RUNDC3B: variants seen among roughly 807,000 people sequenced by gnomAD.
The protein encoded by RUNDC3B is RUN domain containing 3B.
RUNDC3B carries 33 observed loss-of-function variants against 58.4 expected under a neutral mutation model. The observed-to-expected ratio is 0.56, with a 90% CI of 0.43 to 0.75. The LOEUF is 0.75. Among genes scored for constraint, RUNDC3B ranks in the 30% least tolerant of loss-of-function variants. RUNDC3B has a pLI of 0.00. For synonymous variants in RUNDC3B, 193 were observed against 195.2 expected, an observed-to-expected ratio of 0.99 and a Z score of 0.10; for missense variants, 501 against 535.7, an observed-to-expected ratio of 0.94 and a Z score of 0.64.
intron 3 of RUNDC3B, among the ~76,000 whole-genome samples, chr7:87,709,996 A>T (rs2130738113): frequency 6.6e-6 from 1 of 152,172 alleles, no homozygotes; most frequent in East Asian, 1.9e-4. Context: ...TTTCTAGTTT[A>T]AATATTTGGT....
chr7:87,762,370 C>T (rs894088029), intron 6 of RUNDC3B, among the ~76,000 whole-genome samples: 2 of 151,098 alleles, frequency 1.3e-5, no homozygotes, highest in African/African-American at 2.4e-5. Context: ...ATTTTAAATG[C>T]TTTGTTTACA....
At chr7:87,671,768 G>A (rs1022095422) in intron 2 of RUNDC3B, among the ~76,000 whole-genome samples, 6 of 152,112 alleles carry the variant, frequency 3.9e-5, no homozygotes, top group Non-Finnish European at 5.9e-5. Flanking sequence ...TGTGCTGGAG[G>A]TCCACTTCAG....
chr7:87,802,822 T>C (rs983533933), intron 8 of RUNDC3B, among the ~76,000 whole-genome samples: 1 of 152,112 alleles, frequency 6.6e-6, no homozygotes. Context: ...CTGGGCAACA[T>C]AGGGAGACCC....
intron 3 of RUNDC3B, among the ~76,000 whole-genome samples, chr7:87,708,831 T>C (rs771825456): frequency 2.0e-5 from 3 of 152,170 alleles, no homozygotes; most frequent in Admixed American, 6.5e-5. Flanking sequence ...ACTCACACAA[T>C]TATTGGGAGG....
chr7:87,759,153 C>G (rs1224730370), intron 6 of RUNDC3B, among the ~76,000 whole-genome samples: 1 of 152,008 alleles, frequency 6.6e-6, no homozygotes, highest in African/African-American at 2.4e-5. Context: ...TATTCAGCCA[C>G]AAAAAGAATG....
intron 6 of RUNDC3B, among the ~76,000 whole-genome samples, chr7:87,761,264 A>G (rs1443578717): frequency 6.6e-6 from 1 of 151,984 alleles, no homozygotes; most frequent in Non-Finnish European, 1.5e-5. Context: ...TGCAAATTCA[A>G]ACCACAGTAA....
intron 2 of RUNDC3B, among the ~76,000 whole-genome samples, chr7:87,652,815 AT>A (rs1254190022): frequency 6.6e-6 from 1 of 151,878 alleles, no homozygotes; most frequent in Non-Finnish European, 1.5e-5. Flanking sequence ...TTCACTTATG[AT>A]TTAGTTACAT....
intron 2 of RUNDC3B, among the ~76,000 whole-genome samples, chr7:87,695,753 A>G: frequency 6.6e-6 from 1 of 152,096 alleles, no homozygotes; most frequent in East Asian, 1.9e-4. Context: ...GCTACTGCTT[A>G]GTAGAGAACC....
At chr7:87,709,467 T>C (rs1387613817) in intron 3 of RUNDC3B, 1 of 985,254 alleles carries the variant, frequency 1.0e-6, no homozygotes, top group Admixed American at 6.2e-5. Context: ...GAAGGAACAA[T>C]GGACTGAGCA....
chr7:87,672,783 A>G (rs1825960736), intron 2 of RUNDC3B, among the ~76,000 whole-genome samples: 1 of 152,076 alleles, frequency 6.6e-6, no homozygotes, highest in African/African-American at 2.4e-5. Context: ...ACATTGACTC[A>G]CTGCTTCCCT....
chr7:87,678,637 A>C (rs1017227498), intron 2 of RUNDC3B, among the ~76,000 whole-genome samples: 2 of 152,238 alleles, frequency 1.3e-5, no homozygotes, highest in Non-Finnish European at 1.5e-5. Context: ...TAAGCACTCC[A>C]ATTAAAAGAG....
Position 87,642,348 on chromosome 7 carries a change from G to A in RUNDC3B, c.123-8474G>A, listed in dbSNP as rs148520265. 1.7e-3 allele frequency among the ~76,000 whole-genome samples: 258 copies of A among 152,006 alleles called. 6 individuals carry two copies. The highest frequency in any genetic ancestry group is 0.014 in the Admixed American group (217 of 15,282). The stretch of plus-strand genomic sequence containing the variant: ...ATGGTTTTTTTCTGTTCTTCACGTT[G>A]TTCTATTGCTGCTTTTAATGTCTAG... On this transcript the variant is annotated intron_variant, in intron 1 of 10. Coordinates refer to ENST00000394654, the MANE Select transcript of RUNDC3B (RefSeq NM_001134405.2).
Position 87,770,704 on chromosome 7 carries a change from G to A in RUNDC3B, c.753G>A (p.Lys251=), listed in dbSNP as rs1250412182. The A allele has an allele frequency of 1.9e-6, 3 of 1,613,652 alleles. No individual in the cohort carries two copies. The highest frequency in any genetic ancestry group is 1.7e-6 in the Non-Finnish European group (2 of 1,179,608). ...TGGATGAGAACAGTTGGTTCAACAAGTGTAAGAGAGTTAAACAAAAGTATC... is the reference window on the plus strand; with the variant it reads ...TGGATGAGAACAGTTGGTTCAACAAATGTAAGAGAGTTAAACAAAAGTATC... The part of the protein sequence containing the change: ...FLMDENSWFN[K]CKRVKQKYQL... The change falls in exon 7 of 11, where the codon AAG becomes AAA. Residue 251 remains lysine, a synonymous_variant. Coordinates refer to ENST00000394654, the MANE Select transcript of RUNDC3B (RefSeq NM_001134405.2).
chr7:87,793,016 T>C (rs1365239694), intron 8 of RUNDC3B, among the ~76,000 whole-genome samples: 1 of 151,886 alleles, frequency 6.6e-6, no homozygotes, highest in Non-Finnish European at 1.5e-5. Flanking sequence ...AGAGAAGACA[T>C]TACAACTGAT....
intron 1 of RUNDC3B, among the ~76,000 whole-genome samples, chr7:87,645,070 A>T (rs1193146617): frequency 1.4e-5 from 2 of 147,950 alleles, no homozygotes; most frequent in African/African-American, 5.0e-5. Context: ...AGTCACAATC[A>T]TGCTTTCTTT....
At chr7:87,677,053 T>A (rs75957367) in intron 2 of RUNDC3B, among the ~76,000 whole-genome samples, 1 of 152,142 alleles carries the variant, frequency 6.6e-6, no homozygotes, top group Non-Finnish European at 1.5e-5. Context: ...ACAGCCATTA[T>A]GGAAAACAGT....
chr7:87,681,895 A>C (rs1251632644), intron 2 of RUNDC3B, among the ~76,000 whole-genome samples: 2 of 152,208 alleles, frequency 1.3e-5, no homozygotes, highest in African/African-American at 4.8e-5. Context: ...TCTTCCTTTC[A>C]TGAAAGGTTT....
At chr7:87,808,093 T>C (rs976257455) in intron 9 of RUNDC3B, among the ~76,000 whole-genome samples, 6 of 152,156 alleles carry the variant, frequency 3.9e-5, no homozygotes, top group African/African-American at 1.4e-4. Context: ...TTGAAACTTG[T>C]AAGTTGTATT....
At chr7:87,660,070 T>C (rs1824531925) in intron 2 of RUNDC3B, among the ~76,000 whole-genome samples, 1 of 152,186 alleles carries the variant, frequency 6.6e-6, no homozygotes, top group Admixed American at 6.5e-5. Context: ...GTCTGTTTTG[T>C]GCTTTTTTGG....
Sources: gnomAD v4.1 joint callset for allele counts (sites outside exome capture counted in the v4.1 genomes callset) on GRCh38, gnomAD v4.1.1 for gene constraint, MANE v1.5 for transcripts, NCBI Gene and HGNC (gene_info 2026-07-23, HGNC 2026-07-21) for gene names.